The following HMX1 variants were observed in gnomAD, a reference collection of about 807,000 sequenced individuals.
HMX1 encodes H6 family homeobox 1, also known as homeobox protein HMX1.
A neutral mutation model predicts 8.9 loss-of-function variants in HMX1; 8 were observed. That is an observed-to-expected ratio of 0.90 (90% CI 0.53 to 1.63). The LOEUF is 1.63. HMX1 is among the 40% of genes most tolerant of loss of function. HMX1 has a pLI of 0.00. For missense variants in HMX1, 621 were observed against 558.5 expected (o/e 1.11, Z -1.13); for synonymous variants, 311 against 283.4 (o/e 1.10, Z -0.98).
rs1446997473 is a variant in HMX1 at position 8,853,106 on chromosome 4, C to A, written c.395-6782G>T. Among the ~76,000 whole-genome samples the A allele has an allele frequency of 2.0e-5, 3 of 152,128 alleles. No individual in the cohort carries two copies. The highest frequency in any genetic ancestry group is 4.4e-5 in the Non-Finnish European group (3 of 68,030). On this transcript the variant is annotated intron_variant, in intron 1 of 1. Coordinates refer to the HMX1 transcript ENST00000506970. This position sits in a 1 kb window ranked among gnomAD's most constrained non-coding sequence, Gnocchi z 4.7. Reference sequence around the variant, plus strand: ...CAGCCAAACACAGATTCTGACTGGCCCAGTTTACAAGAGCCTCCTGTATTA... The same window carrying A: ...CAGCCAAACACAGATTCTGACTGGCACAGTTTACAAGAGCCTCCTGTATTA...
intron 1 of HMX1, among the ~76,000 whole-genome samples, chr4:8,855,472 G>T (rs1015095361): frequency 3.9e-5 from 6 of 152,216 alleles, no homozygotes; most frequent in African/African-American, 1.4e-4. Flanking sequence ...ACCTGAGACT[G>T]CTGGGGGCCA....
intron 1 of HMX1, among the ~76,000 whole-genome samples, chr4:8,857,352 C>T (rs1258498248): frequency 2.0e-5 from 3 of 152,176 alleles, no homozygotes; most frequent in African/African-American, 7.2e-5. Flanking sequence ...CCTGGAGTGG[C>T]ATTCTTGTTG....
intron 1 of HMX1, among the ~76,000 whole-genome samples, chr4:8,856,331 T>C (rs879885070): frequency 1.3e-5 from 2 of 152,126 alleles, no homozygotes; most frequent in South Asian, 2.1e-4. Context: ...CAGAAAGAGC[T>C]GGCGGGGTTG....
At chr4:8,865,215 C>T (rs1396310837), downstream of HMX1, among the ~76,000 whole-genome samples, 1 of 152,216 alleles carries the variant, frequency 6.6e-6, no homozygotes. Flanking sequence ...ACCCTGCAGT[C>T]ACCACACAAC....
Position 8,854,377 on chromosome 4 carries a change from T to C in HMX1, c.395-8053A>G, listed in dbSNP as rs540236995. Among the ~76,000 whole-genome samples the C allele has an allele frequency of 8.5e-5, 13 of 152,356 alleles. 1 individual carries two copies. The highest frequency in any genetic ancestry group is 5.9e-4 in the Admixed American group (9 of 15,306). On this transcript the variant is annotated intron_variant, in intron 1 of 1. Transcript: ENST00000506970. The stretch of plus-strand genomic sequence containing the variant: ...GAGGCTGCTCAAATCCAGGTACACA[T>C]TTGCCATAATGCCAGTGAAAATATC...
intron 1 of HMX1, among the ~76,000 whole-genome samples, chr4:8,851,490 C>A (rs1488656016): frequency 1.3e-5 from 2 of 152,192 alleles, no homozygotes; most frequent in African/African-American, 4.8e-5. Flanking sequence ...GGTTCATCAC[C>A]GGTCGGGGCA....
In HMX1 at chr4:8,867,466, G is replaced by C. The variant is rs1722040743; in HGVS notation, c.*227C>G. 4 of 1,139,746 alleles carry C rather than the reference G, an allele frequency of 3.5e-6. No individual in the cohort carries two copies. In the African/African-American group the frequency reaches 6.5e-5, roughly 19 times the overall value. 70.6% of individuals were successfully genotyped at this position (1,139,746 alleles called of 1,614,324 possible). A position where few individuals can be genotyped will look rare whatever the true frequency, so the allele number is the denominator to read the frequency against. ...AGAGTCTCTGCATGGCCCCCTGTTC[G>C]AGTGGGGATCCAGCCTGGCAAATGG... On this transcript the variant is annotated 3_prime_UTR_variant, in exon 2 of 2. Transcript: ENST00000400677.
chr4:8,850,818 T>C (rs1169393305), intron 1 of HMX1, among the ~76,000 whole-genome samples: 1 of 152,250 alleles, frequency 6.6e-6, no homozygotes, highest in Non-Finnish European at 1.5e-5. Context: ...TCTCTCCTGC[T>C]GGACCCAGGC....
In HMX1 at chr4:8,871,402, C is replaced by G. The variant is rs944111606; in HGVS notation, c.213G>C (p.Leu71Phe). Residue 71 changes from leucine to phenylalanine, a missense_variant, in exon 1 of 2, where the codon TTG (leucine) becomes TTC (phenylalanine). Coordinates refer to ENST00000400677, the MANE Select transcript of HMX1 (RefSeq NM_018942.3). This position sits in a 1 kb window ranked among gnomAD's most constrained non-coding sequence, Gnocchi z 4.8. ...RRRRLQRRRQLLAGTGPGGEA... is the reference protein window; with the variant it reads ...RRRRLQRRRQFLAGTGPGGEA... ...CCCCGCCGGGCCCGGTGCCCGCGAG[C>G]AACTGTCGCCGCCGCTGTAGCCGTC... The G allele has an allele frequency of 2.4e-6, 3 of 1,264,412 alleles. No homozygotes were observed. The African/African-American group carries it at 4.8e-5, about 20-fold the overall frequency. The allele number at this position is 1,264,412 out of a possible 1,614,324, so 78.3% of individuals were successfully genotyped here.
intron 1 of HMX1, among the ~76,000 whole-genome samples, chr4:8,852,484 C>T (rs146630835): frequency 2.0e-3 from 312 of 152,334 alleles, no homozygotes; most frequent in African/African-American, 7.2e-3. Context: ...TCCTCCAGGT[C>T]GGCCTGACTC....
chr4:8,860,565 G>T (rs1041958578), intron 1 of HMX1: 4 of 152,008 alleles, frequency 2.6e-5, no homozygotes, highest in African/African-American at 9.7e-5. Flanking sequence ...GGAGGGAAGG[G>T]CTCGACCCGA....
In HMX1 at chr4:8,868,210, T is replaced by C. The variant is rs545524843; in HGVS notation, c.530A>G (p.Glu177Gly). The change falls in exon 2 of 2, where the codon GAG becomes GGG. Residue 177 changes from glutamate to glycine, a missense_variant. Physicochemically the swap from Glu to Gly is moderately conservative, Grantham distance 98 (BLOSUM62 -2). Coordinates refer to ENST00000400677, the MANE Select transcript of HMX1 (RefSeq NM_018942.3). The surrounding 1 kb of genome is among the most constrained non-coding windows in gnomAD (Gnocchi z 4.6). Reference protein sequence around the residue: ...LAARGPAAGTEEASELAEVPA... With the variant: ...LAARGPAAGTGEASELAEVPA... ...GACCTCGGCCAGCTCCGACGCCTCC[T>C]CCGTGCCGGCCGCCGGGCCACGCGC... The C allele has an allele frequency of 2.7e-6, 4 of 1,457,878 alleles. No individual in the cohort carries two copies. The South Asian group carries it at 4.0e-5, about 15-fold the overall frequency. 90.3% of individuals were successfully genotyped at this position (1,457,878 alleles called of 1,614,324 possible).
downstream of HMX1, among the ~76,000 whole-genome samples, chr4:8,866,221 T>A (rs1195247545): frequency 2.6e-5 from 4 of 152,094 alleles, no homozygotes; most frequent in Non-Finnish European, 5.9e-5. Context: ...CACTGCACGC[T>A]CTCCTTGGCC....
At chr4:8,865,220 C>T (rs1721956964), downstream of HMX1, among the ~76,000 whole-genome samples, 1 of 152,234 alleles carries the variant, frequency 6.6e-6, no homozygotes, top group Admixed American at 6.5e-5. Flanking sequence ...GCAGTCACCA[C>T]ACAACCTTGG....
intron 1 of HMX1, among the ~76,000 whole-genome samples, chr4:8,861,787 C>A (rs1242865202): frequency 6.6e-6 from 1 of 152,264 alleles, no homozygotes; most frequent in African/African-American, 2.4e-5. Context: ...GGCGCCCATC[C>A]TCTTGATGGC....
At position 8,846,336 on chromosome 4, in the gene HMX1, A is replaced by G. The variant is rs776706487; in HGVS notation, c.395-12T>C. 9 of 1,530,378 alleles carry G rather than the reference A, an allele frequency of 5.9e-6. No homozygotes were observed. In the South Asian group the frequency reaches 1.1e-4, roughly 18 times the overall value. 94.8% of individuals were successfully genotyped at this position (1,530,378 alleles called of 1,614,324 possible). ...AATCTTCTGTGTGCCTGCAGGGGAG[A>G]AAAACCAGGTATTGGGAGCACTAGT... On this transcript the variant is annotated splice_polypyrimidine_tract_variant and intron_variant, in intron 1 of 1. Coordinates refer to the HMX1 transcript ENST00000506970.
At chr4:8,852,685 G>A (rs150237637) in intron 1 of HMX1, among the ~76,000 whole-genome samples, 3,069 of 152,292 alleles carry the variant, frequency 0.02, 78 homozygotes, top group South Asian at 0.078. Context: ...GGTGCTTTGT[G>A]GCCAAAACTG....
In HMX1 at chr4:8,853,072, C is replaced by A. The variant is rs1482188294; in HGVS notation, c.395-6748G>T. ...TGCCCACCTCCCACTGTGGTCAGTG[C>A]CCTGTCAGCAGCCAAACACAGATTC... is the stretch of plus-strand genomic sequence containing the variant. On this transcript the variant is annotated intron_variant, in intron 1 of 1. Transcript: ENST00000506970. This position sits in a 1 kb window ranked among gnomAD's most constrained non-coding sequence, Gnocchi z 4.7. Among the ~76,000 whole-genome samples, 2 of 152,092 alleles carry A rather than the reference C, an allele frequency of 1.3e-5. No homozygotes were observed. Among genetic ancestry groups the A allele is most frequent in the East Asian group, 3.9e-4 (2 of 5,186 alleles).
intron 1 of HMX1, among the ~76,000 whole-genome samples, chr4:8,857,383 G>A (rs982619782): frequency 1.9e-4 from 29 of 152,036 alleles, no homozygotes; most frequent in Admixed American, 1.8e-3. Flanking sequence ...CCCCTCCCCA[G>A]GTAGGAGGCA....
Sources: gnomAD v4.1 joint callset for allele counts (sites outside exome capture counted in the v4.1 genomes callset) on GRCh38, gnomAD v4.1.1 for gene constraint, Gnocchi (gnomAD v3.1) non-coding constraint, MANE v1.5 for transcripts, NCBI Gene and HGNC (gene_info 2026-07-23, HGNC 2026-07-21) for gene names.